Variants in RPS6KA5 observed in about 807,000 individuals in gnomAD.
RPS6KA5 encodes the protein ribosomal protein S6 kinase alpha-5.
RPS6KA5 carries 27 observed loss-of-function variants against 85.5 expected under a neutral mutation model. That is an observed-to-expected ratio of 0.32 (90% CI 0.23 to 0.44). RPS6KA5 has a LOEUF of 0.44. RPS6KA5 is among the 20% of genes least tolerant of loss of function. The pLI is 1.00. For missense variants in RPS6KA5, 811 were observed against 980.9 expected (o/e 0.83, Z 2.31); for synonymous variants, 334 against 348.2 (o/e 0.96, Z 0.46).
chr14:90,939,654 C>T (rs978186803), intron 5 of RPS6KA5, among the ~76,000 whole-genome samples: 4 of 152,096 alleles, frequency 2.6e-5, no homozygotes, highest in African/African-American at 4.8e-5. Context: ...GGGAAACTCC[C>T]GTTTTTAAAA....
At chr14:91,036,632 A>G (rs980301644) in intron 1 of RPS6KA5, among the ~76,000 whole-genome samples, 1 of 152,226 alleles carries the variant, frequency 6.6e-6, no homozygotes, top group African/African-American at 2.4e-5. Flanking sequence ...ACTGGAAAGG[A>G]GCATATGCCA....
At chr14:91,042,891 C>T (rs926652266) in intron 1 of RPS6KA5, among the ~76,000 whole-genome samples, 1 of 152,160 alleles carries the variant, frequency 6.6e-6, no homozygotes, top group Non-Finnish European at 1.5e-5. Context: ...CATCACTCAT[C>T]TTAAAACAAG....
At chr14:90,997,123 A>G (rs540679618) in intron 2 of RPS6KA5, among the ~76,000 whole-genome samples, 5 of 152,290 alleles carry the variant, frequency 3.3e-5, no homozygotes, top group African/African-American at 1.2e-4. Flanking sequence ...TGTTTAACCT[A>G]ACCTGTAGTA....
intron 5 of RPS6KA5, among the ~76,000 whole-genome samples, chr14:90,934,483 A>G (rs977832312): frequency 6.6e-6 from 1 of 152,188 alleles, no homozygotes; most frequent in Non-Finnish European, 1.5e-5. Flanking sequence ...TTTCTTTCTT[A>G]GAAAATAGAT....
chr14:91,008,417 G>A (rs2041122427), intron 1 of RPS6KA5, among the ~76,000 whole-genome samples: 1 of 152,184 alleles, frequency 6.6e-6, no homozygotes, highest in Non-Finnish European at 1.5e-5. Context: ...GGAGTATGTG[G>A]ACATGAAGGA....
At chr14:90,961,624 T>C (rs1836879185) in intron 3 of RPS6KA5, among the ~76,000 whole-genome samples, 1 of 152,188 alleles carries the variant, frequency 6.6e-6, no homozygotes, top group African/African-American at 2.4e-5. Context: ...CTCATCTGAA[T>C]GTCACAGTAA....
chr14:90,920,226 AT>A lies in RPS6KA5; in HGVS notation c.785del (p.Asn262IlefsTer11). ...ASPFTVDGEKNSQAEISRRIL... is the reference protein window; with the variant it reads ...ASPFTVDGEKXSQAEISRRIL... ...CTTACCTAGATATCTCAGCTTGGGAATTTTTTTCTCCATCAACAGTGAAAGG... is the reference window on the plus strand; with the variant it reads ...CTTACCTAGATATCTCAGCTTGGGAATTTTTTCTCCATCAACAGTGAAAGG... On this transcript the variant is annotated frameshift_variant, in exon 7 of 17. Coordinates refer to ENST00000614987, the MANE Select transcript of RPS6KA5 (RefSeq NM_004755.4). LOFTEE classifies it high-confidence loss of function. The A allele has an allele frequency of 1.2e-6, 2 of 1,608,904 alleles. No individual in the cohort carries two copies. Among genetic ancestry groups the A allele is most frequent in the Non-Finnish European group, 1.7e-6 (2 of 1,175,772 alleles).
Position 90,920,086 on chromosome 14 carries a change from A to T in RPS6KA5, c.806+120T>A, listed in dbSNP as rs1208110930. ...TATGATAGAAATGAAAATTTACCACATAAACATCACTTTGTCTATCCTCAT... is the reference window on the plus strand; with the variant it reads ...TATGATAGAAATGAAAATTTACCACTTAAACATCACTTTGTCTATCCTCAT... On this transcript the variant is annotated intron_variant, in intron 7 of 16. Transcript: ENST00000614987. 4.1e-6 allele frequency: 3 copies of T among 740,552 alleles called. No homozygotes were observed. In the East Asian group the frequency reaches 7.7e-5, roughly 19 times the overall value. The allele number at this position is 740,552 out of a possible 1,614,324, so 45.9% of individuals were successfully genotyped here. A position where few individuals can be genotyped will look rare whatever the true frequency, so the allele number is the denominator to read the frequency against.
chr14:90,945,496 T>C (rs2037826393), intron 4 of RPS6KA5, among the ~76,000 whole-genome samples: 1 of 152,268 alleles, frequency 6.6e-6, no homozygotes, highest in Admixed American at 6.5e-5. Flanking sequence ...CATCCATTTT[T>C]GCCTCTTCCT....
chr14:91,000,327 T>C (rs1383906640), intron 2 of RPS6KA5, among the ~76,000 whole-genome samples: 3 of 152,206 alleles, frequency 2.0e-5, no homozygotes, highest in African/African-American at 7.2e-5. Flanking sequence ...ATGTTCCATT[T>C]AACCAAAGCC....
chr14:91,004,689 C>T (rs1203085189), intron 1 of RPS6KA5, among the ~76,000 whole-genome samples: 2 of 151,840 alleles, frequency 1.3e-5, no homozygotes, highest in Non-Finnish European at 2.9e-5. Context: ...AGTTCCAGGC[C>T]GGGCGCGGTG....
intron 2 of RPS6KA5, among the ~76,000 whole-genome samples, chr14:90,998,276 A>T (rs1460946926): frequency 6.6e-6 from 1 of 152,208 alleles, no homozygotes; most frequent in Non-Finnish European, 1.5e-5. Flanking sequence ...AAAATGTTAT[A>T]AAACTGACTG....
intron 2 of RPS6KA5, among the ~76,000 whole-genome samples, chr14:90,983,276 C>CAA (rs562999325): frequency 9.0e-5 from 6 of 66,622 alleles, no homozygotes; most frequent in South Asian, 4.7e-4. Flanking sequence ...GACTCCATCT[C>CAA]AAAAAAAAAA....
At chr14:90,878,871 G>A (rs73324616) in intron 14 of RPS6KA5, among the ~76,000 whole-genome samples, 6,467 of 152,270 alleles carry the variant, frequency 0.042, 437 homozygotes, top group African/African-American at 0.15. Flanking sequence ...CCTAGCATAG[G>A]CTTTTGTTAT....
chr14:91,055,838 G>C (rs1296828439), intron 1 of RPS6KA5, among the ~76,000 whole-genome samples: 1 of 152,194 alleles, frequency 6.6e-6, no homozygotes, highest in African/African-American at 2.4e-5. Context: ...CAGATCACTT[G>C]TTTTTGGGGA....
At chr14:90,970,259 G>C (rs796095428) in intron 3 of RPS6KA5, among the ~76,000 whole-genome samples, 20 of 152,242 alleles carry the variant, frequency 1.3e-4, no homozygotes, top group African/African-American at 4.8e-4. Context: ...TTCAAAGCAA[G>C]GAAGTGTTTT....
intron 1 of RPS6KA5, among the ~76,000 whole-genome samples, chr14:91,021,021 C>A (rs1012414537): frequency 2.6e-5 from 4 of 152,210 alleles, no homozygotes; most frequent in Non-Finnish European, 4.4e-5. Context: ...GATTTATCAT[C>A]CAGTTAAAGT....
Position 90,943,162 on chromosome 14 carries a change from A to G in RPS6KA5, c.534T>C (p.Ile178=). ...AATCAAGTAGAATATTCTCAAGCTT[A>G]ATATCACGATATATAATCCCCAACT... is the stretch of plus-strand genomic sequence containing the variant. The part of the protein sequence containing the change: ...LHKLGIIYRD[I]KLENILLDSN... Residue 178 remains isoleucine (I), a synonymous_variant, in exon 5 of 17, where the codon ATT becomes ATC. Coordinates refer to ENST00000614987, the MANE Select transcript of RPS6KA5 (RefSeq NM_004755.4). 1 of 1,606,652 alleles carries G rather than the reference A, an allele frequency of 6.2e-7. No individual in the cohort carries two copies. Among genetic ancestry groups the G allele is most frequent in the South Asian group, 1.1e-5 (1 of 90,562 alleles).
chr14:90,936,310 T>C (rs2037252827), intron 5 of RPS6KA5, among the ~76,000 whole-genome samples: 1 of 152,224 alleles, frequency 6.6e-6, no homozygotes, highest in Non-Finnish European at 1.5e-5. Flanking sequence ...CTCATGCCTA[T>C]AATCCCAGCA....
Sources: gnomAD v4.1 joint callset for allele counts (sites outside exome capture counted in the v4.1 genomes callset) on GRCh38, gnomAD v4.1.1 for gene constraint, MANE v1.5 for transcripts, NCBI Gene and HGNC (gene_info 2026-07-23, HGNC 2026-07-21) for gene names.